Variants in EPB41L3 observed in about 807,000 individuals in gnomAD.
EPB41L3 encodes the protein band 4.1-like protein 3.
EPB41L3 carries 57 observed loss-of-function variants against 127.1 expected under a neutral mutation model. The observed-to-expected ratio is 0.45, with a 90% CI of 0.36 to 0.56. The LOEUF is 0.56. Among genes scored for constraint, EPB41L3 ranks in the 20% least tolerant of loss-of-function variants. The pLI is 0.00. For missense variants in EPB41L3, 1,273 were observed against 1,372.2 expected, an observed-to-expected ratio of 0.93 and a Z score of 1.14; for synonymous variants, 572 against 549.5, an observed-to-expected ratio of 1.04 and a Z score of -0.57.
At chr18:5,435,178 A>G (rs2079579635) in intron 6 of EPB41L3, among the ~76,000 whole-genome samples, 1 of 152,250 alleles carries the variant, frequency 6.6e-6, no homozygotes, top group Non-Finnish European at 1.5e-5. Flanking sequence ...AAGTGTTACA[A>G]GAGTCAAAAA....
intron 9 of EPB41L3, among the ~76,000 whole-genome samples, chr18:5,425,966 C>T (rs141560159): frequency 3.3e-4 from 50 of 152,282 alleles, no homozygotes; most frequent in African/African-American, 1.0e-3. Flanking sequence ...CCACATCCTG[C>T]GTGCCCTTTC....
intron 3 of EPB41L3, among the ~76,000 whole-genome samples, chr18:5,572,604 C>T (rs2094294626): frequency 6.6e-6 from 1 of 152,176 alleles, no homozygotes; most frequent in African/African-American, 2.4e-5. Flanking sequence ...GACAGGGTCT[C>T]ACTCTGTTGC....
rs1177008302 is a variant in EPB41L3, at chr18:5,432,269, G to A, written c.912+1200C>T. Among the ~76,000 whole-genome samples, 22 of 152,180 alleles carry A rather than the reference G, an allele frequency of 1.4e-4. 1 individual carries two copies. The highest frequency in any genetic ancestry group is 2.9e-4 in the Non-Finnish European group (20 of 68,028). On this transcript the variant is annotated intron_variant, in intron 8 of 22. Transcript: ENST00000341928. ...CGCAGGGGTGCTGAGGTGTTTGCTCGAATGGAGCCAGCTGAAATTCTCTTC... is the reference window on the plus strand; with the variant it reads ...CGCAGGGGTGCTGAGGTGTTTGCTCAAATGGAGCCAGCTGAAATTCTCTTC...
intron 3 of EPB41L3, among the ~76,000 whole-genome samples, chr18:5,601,301 G>C (rs1356113376): frequency 6.6e-6 from 1 of 152,124 alleles, no homozygotes; most frequent in Non-Finnish European, 1.5e-5. Flanking sequence ...TAGGTGATCA[G>C]TCATTGCTGT....
Position 5,528,882 on chromosome 18 carries a change from G to A in EPB41L3, c.-12+15031C>T, listed in dbSNP as rs552058636. On this transcript the variant is annotated intron_variant, in intron 1 of 22. Coordinates refer to ENST00000341928, the MANE Select transcript of EPB41L3 (RefSeq NM_012307.5). ...CAAAGTGCTGGGATTACAGACATGAGCTACCGCACCTGGCCCATCCTCTAG... is the reference window on the plus strand; with the variant it reads ...CAAAGTGCTGGGATTACAGACATGAACTACCGCACCTGGCCCATCCTCTAG... 5 of 152,472 alleles carry A rather than the reference G, an allele frequency of 3.3e-5. No individual in the cohort carries two copies. The East Asian group carries it at 9.6e-4, about 29-fold the overall frequency. 9.4% of individuals were successfully genotyped at this position (152,472 alleles called of 1,614,324 possible).
Position 5,489,159 on chromosome 18 carries a change from A to T in EPB41L3, c.25T>A (p.Ser9Thr). The change falls in exon 2 of 23, where the codon TCG becomes ACG. Residue 9 changes from serine to threonine, a missense_variant. By Grantham distance (58) the Ser-to-Thr change is moderately conservative. This residue lies in a region of EPB41L3 where 182 missense variants were observed against 149.2 expected (regional missense o/e 1.22). Coordinates refer to ENST00000341928, the MANE Select transcript of EPB41L3 (RefSeq NM_012307.5). ...GCCTCCTGGTCCGGCTTGGATTCCGAGTCTGATCCAGATTCGGTCGTCATG... is the reference window on the plus strand; with the variant it reads ...GCCTCCTGGTCCGGCTTGGATTCCGTGTCTGATCCAGATTCGGTCGTCATG... Reference protein sequence around the residue: MTTESGSDSESKPDQEAEP... With the variant: MTTESGSDTESKPDQEAEP... The T allele has an allele frequency of 6.3e-7, 1 of 1,597,454 alleles. No individual in the cohort carries two copies.
At chr18:5,448,185 A>G (rs1304239562) in intron 3 of EPB41L3, among the ~76,000 whole-genome samples, 2 of 152,128 alleles carry the variant, frequency 1.3e-5, no homozygotes, top group Non-Finnish European at 2.9e-5. Context: ...CAAACCACTA[A>G]TGGATTGAGG....
intron 1 of EPB41L3, among the ~76,000 whole-genome samples, chr18:5,512,382 T>C (rs777556627): frequency 1.3e-5 from 2 of 152,150 alleles, no homozygotes; most frequent in Non-Finnish European, 2.9e-5. Flanking sequence ...ATCCAAAGAA[T>C]ACAGCAAGGT....
intron 1 of EPB41L3, among the ~76,000 whole-genome samples, chr18:5,503,099 C>T (rs554394045): frequency 1.3e-5 from 2 of 152,208 alleles, no homozygotes; most frequent in East Asian, 3.9e-4. Context: ...AGAAATCAAA[C>T]CAAGAAAGTA....
intron 3 of EPB41L3, chr18:5,570,145 T>C (rs1315928843): frequency 6.6e-6 from 1 of 152,186 alleles, no homozygotes; most frequent in Non-Finnish European, 1.5e-5. Context: ...GCCTTTAGGC[T>C]GTCAGCGATC....
At chr18:5,615,176 G>A (rs1210267856) in intron 1 of EPB41L3, among the ~76,000 whole-genome samples, 1 of 151,764 alleles carries the variant, frequency 6.6e-6, no homozygotes, top group South Asian at 2.1e-4. Context: ...GCACAAAATT[G>A]AAATTCTCAG....
chr18:5,540,097 A>C (rs1394899465), intron 1 of EPB41L3, among the ~76,000 whole-genome samples: 1 of 152,218 alleles, frequency 6.6e-6, no homozygotes, highest in Non-Finnish European at 1.5e-5. Context: ...TTTTAGTACA[A>C]AGAACAGTAA....
intron 3 of EPB41L3, among the ~76,000 whole-genome samples, chr18:5,594,890 C>G (rs909910410): frequency 6.6e-6 from 1 of 152,058 alleles, no homozygotes; most frequent in Non-Finnish European, 1.5e-5. Flanking sequence ...AGGAAACATA[C>G]GGAAAATAAG....
chr18:5,396,143 T>C (rs948790432), intron 19 of EPB41L3, 58 bp downstream of exon 19: 51 of 1,599,868 alleles, frequency 3.2e-5, no homozygotes, highest in Non-Finnish European at 4.2e-5. Context: ...GTAAACACAC[T>C]AGGCCATAGA....
At chr18:5,396,136 A>G in intron 19 of EPB41L3, 65 bp downstream of exon 19, 1 of 1,592,564 alleles carries the variant, frequency 6.3e-7, no homozygotes, top group Non-Finnish European at 8.6e-7. Flanking sequence ...GTTCTATGTA[A>G]ACACACTAGG....
chr18:5,393,620 C>T (rs1308039346), intron 22 of EPB41L3, 142 bp from the exon 23 acceptor site: 2 of 547,826 alleles, frequency 3.7e-6, no homozygotes, highest in Non-Finnish European at 6.5e-6. Flanking sequence ...AAGTCACTGC[C>T]AATTACATGC....
intron 3 of EPB41L3, among the ~76,000 whole-genome samples, chr18:5,469,620 C>T (rs939171246): frequency 6.6e-6 from 1 of 152,128 alleles, no homozygotes; most frequent in African/African-American, 2.4e-5. Context: ...GCCCAATGGG[C>T]CTGAGCAAAA....
chr18:5,568,427 T>TAA (rs555002375), intron 3 of EPB41L3, among the ~76,000 whole-genome samples: 15,222 of 109,032 alleles, frequency 0.14, 1,217 homozygotes, highest in Middle Eastern at 0.16. Flanking sequence ...CTCTGGATAG[T>TAA]AAAAAAAAAA....
At chr18:5,414,420 T>A (rs568026744) in intron 13 of EPB41L3, among the ~76,000 whole-genome samples, 1,366 of 131,784 alleles carry the variant, frequency 0.01, 21 homozygotes, top group African/African-American at 0.046. Flanking sequence ...ACCATTCACA[T>A]TTTTTTCCTT....
Sources: gnomAD v4.1 joint callset for allele counts (sites outside exome capture counted in the v4.1 genomes callset) on GRCh38, gnomAD v4.1.1 for gene constraint, gnomAD v4.1.1 regional missense constraint, MANE v1.5 for transcripts, NCBI Gene and HGNC (gene_info 2026-07-23, HGNC 2026-07-21) for gene names.